Variants in NUMA1 observed in about 807,000 individuals in gnomAD.
NUMA1 encodes SP-H antigen.
A neutral mutation model predicts 237.1 loss-of-function variants in NUMA1; 62 were observed. The observed-to-expected ratio is 0.26, with a 90% CI of 0.21 to 0.32. The LOEUF (loss-of-function observed/expected upper bound fraction) is 0.32. Ranked by LOEUF, NUMA1 falls within the 10% of genes least tolerant of loss-of-function variation. The pLI, the probability that NUMA1 is intolerant of heterozygous loss-of-function variation, is 1.00. For missense variants in NUMA1, 2,533 were observed against 2,666.5 expected (o/e 0.95, Z 1.10); for synonymous variants, 1,028 against 1,066.1 (o/e 0.96, Z 0.70).
rs2135235062 is a variant in NUMA1, at chr11:72,019,691, A to G, written c.461-74T>C. 6 of 1,518,694 alleles carry G rather than the reference A, an allele frequency of 4.0e-6. No homozygotes were observed. In the Admixed American group the frequency reaches 7.2e-5, roughly 18 times the overall value. 94.1% of individuals were successfully genotyped at this position (1,518,694 alleles called of 1,614,324 possible). On this transcript the variant is annotated intron_variant, in intron 8 of 26. Transcript: ENST00000393695. ...GTGTAAAGATTTGCACCTTTATGCA[A>G]TTTGAGAACTCGCCTTAGTGGGAGT...
intron 1 of NUMA1, among the ~76,000 whole-genome samples, chr11:72,072,567 T>C (rs1252978995): frequency 1.3e-5 from 2 of 152,158 alleles, no homozygotes; most frequent in Admixed American, 1.3e-4. Context: ...AGGAGCATGC[T>C]ATGCAATAAT....
chr11:72,055,455 T>C (rs1942584099), intron 2 of NUMA1, among the ~76,000 whole-genome samples: 1 of 152,136 alleles, frequency 6.6e-6, no homozygotes, highest in Non-Finnish European at 1.5e-5. Flanking sequence ...TCACCTGAGA[T>C]AACATGAGCC....
chr11:72,039,449 A>G (rs1941418161), intron 2 of NUMA1, among the ~76,000 whole-genome samples: 1 of 152,292 alleles, frequency 6.6e-6, no homozygotes, highest in Middle Eastern at 3.4e-3. Flanking sequence ...CTACCTCAAG[A>G]TAACACCAAA....
chr11:72,015,297 T>C lies in NUMA1; in HGVS notation c.2206A>G (p.Ile736Val), dbSNP rs778153071. The C allele has an allele frequency of 1.9e-5, 31 of 1,613,530 alleles. No homozygotes were observed. In the Middle Eastern group the frequency reaches 8.2e-4, roughly 43 times the overall value. The change falls in exon 15 of 27, where the codon ATC (isoleucine) becomes GTC (valine). Residue 736 changes from isoleucine to valine, a missense_variant. Around this residue, in one of 3 missense-constraint regions of NUMA1, gnomAD observed 1,414 missense variants for 1,508.1 expected, o/e 0.94. Transcript: ENST00000393695. The surrounding 1 kb of genome is among the most constrained non-coding windows in gnomAD (Gnocchi z 4.0). ...CGGGTCTCTGCCTTCAGCTCAGAGA[T>C]ACAACGCTGCTGCTCTTCCAGGGCA... is the stretch of plus-strand genomic sequence containing the variant. ...ADALEEQQRC[I>V]SELKAETRSL... is the part of the protein sequence containing the mutation.
intron 5 of NUMA1, 126 bp downstream of exon 5, chr11:72,024,148 G>A: frequency 1.4e-6 from 1 of 727,178 alleles, no homozygotes; most frequent in South Asian, 1.7e-5. Context: ...TTTCATCTTT[G>A]TGTTAAAGAG....
At chr11:72,042,944 T>C (rs1448058388) in intron 2 of NUMA1, among the ~76,000 whole-genome samples, 1 of 151,124 alleles carries the variant, frequency 6.6e-6, no homozygotes, top group African/African-American at 2.4e-5. Flanking sequence ...GGAGATCCCA[T>C]CTCTACAAAA....
At chr11:72,042,679 TTTGTTA>T (rs2135895447) in intron 2 of NUMA1, among the ~76,000 whole-genome samples, 1 of 152,232 alleles carries the variant, frequency 6.6e-6, no homozygotes, top group South Asian at 2.1e-4. Flanking sequence ...TGTAAGTTTG[TTTGTTA>T]TTAACACAGA....
intron 20 of NUMA1, chr11:72,008,054 C>A: frequency 2.1e-6 from 1 of 468,454 alleles, no homozygotes; most frequent in Non-Finnish European, 4.3e-6. Context: ...CCCTCTATGC[C>A]CCAGATTCAT....
At chr11:72,022,226 T>G in intron 7 of NUMA1, 113 bp downstream of exon 7, 1 of 612,616 alleles carries the variant, frequency 1.6e-6, no homozygotes, top group East Asian at 2.9e-5. Context: ...TGGCAATAAT[T>G]GCTATAACTG....
In NUMA1 at chr11:72,002,997, G is replaced by A. The variant is rs2134279955; in HGVS notation, c.*530C>T. On this transcript the variant is annotated 3_prime_UTR_variant, in exon 27 of 27. Coordinates refer to ENST00000393695, the MANE Select transcript of NUMA1 (RefSeq NM_006185.4). Reference sequence around the variant, plus strand: ...TGGGGAAGGTAGGGTGTGAGCTGCTGCTGAAGGCTGTCCCCCAACCCCACT... The same window carrying A: ...TGGGGAAGGTAGGGTGTGAGCTGCTACTGAAGGCTGTCCCCCAACCCCACT... 1 of 235,426 alleles carries A rather than the reference G, an allele frequency of 4.2e-6. No homozygotes were observed. The highest frequency in any genetic ancestry group is 2.2e-5 in the African/African-American group (1 of 45,486). The allele number at this position is 235,426 out of a possible 1,614,324, so 14.6% of individuals were successfully genotyped here. A position where few individuals can be genotyped will look rare whatever the true frequency, so the allele number is the denominator to read the frequency against.
At chr11:72,073,244 G>T (rs1391869186) in intron 1 of NUMA1, among the ~76,000 whole-genome samples, 2 of 150,030 alleles carry the variant, frequency 1.3e-5, no homozygotes, top group Non-Finnish European at 3.0e-5. Flanking sequence ...CACTACTTAG[G>T]AGGCTGAGGT....
intron 2 of NUMA1, chr11:72,068,029 A>C (rs776449848): frequency 6.6e-6 from 1 of 152,242 alleles, no homozygotes; most frequent in Non-Finnish European, 1.5e-5. Flanking sequence ...CAAAAAAATC[A>C]ATGTAGTGAT....
At chr11:72,045,219 A>T (rs149742839) in intron 2 of NUMA1, among the ~76,000 whole-genome samples, 9 of 150,564 alleles carry the variant, frequency 6.0e-5, no homozygotes, top group African/African-American at 2.0e-4. Flanking sequence ...TCTGGCCACC[A>T]GAGAATGACT....
In NUMA1 at chr11:72,007,347, A is replaced by T; in HGVS notation, c.5305T>A (p.Ser1769Thr). ...GGAGTGAAGTAGAGACTCTCCAGGG[A>T]TTCTACCTTGGGGGGCAGGCGCTGG... ...ISQRLPPKVE[S>T]LESLYFTPIP... is the part of the protein sequence containing the mutation. The change falls in exon 21 of 27, where the codon TCC becomes ACC. Residue 1769 changes from serine (S) to threonine (T), a missense_variant. Physicochemically the swap from Ser to Thr is moderately conservative, Grantham distance 58 (BLOSUM62 1). Around this residue, in one of 3 missense-constraint regions of NUMA1, gnomAD observed 795 missense variants for 750.8 expected, o/e 1.06. Coordinates refer to ENST00000393695, the MANE Select transcript of NUMA1 (RefSeq NM_006185.4). The T allele has an allele frequency of 6.2e-7, 1 of 1,613,592 alleles. No homozygotes were observed. Among genetic ancestry groups the T allele is most frequent in the Non-Finnish European group, 8.5e-7 (1 of 1,179,828 alleles).
chr11:72,005,389 G>A lies in NUMA1; in HGVS notation c.5693-20C>T. The A allele has an allele frequency of 6.2e-7, 1 of 1,600,538 alleles. No individual in the cohort carries two copies. The highest frequency in any genetic ancestry group is 8.5e-7 in the Non-Finnish European group (1 of 1,174,530). ...TCCTTCCTGTGGAAGGCAGGGAAGT[G>A]GGAACAAATGAGCCTGGAGTCGGCA... On this transcript the variant is annotated intron_variant, in intron 22 of 26. Coordinates refer to ENST00000393695, the MANE Select transcript of NUMA1 (RefSeq NM_006185.4).
At chr11:72,076,093 G>C (rs1215706468) in intron 1 of NUMA1, among the ~76,000 whole-genome samples, 1 of 152,232 alleles carries the variant, frequency 6.6e-6, no homozygotes, top group Admixed American at 6.5e-5. Context: ...TTCAAAACAG[G>C]CTGGGTGAAG....
chr11:72,073,430 T>C (rs995756321), intron 1 of NUMA1, among the ~76,000 whole-genome samples: 1 of 152,118 alleles, frequency 6.6e-6, no homozygotes, highest in African/African-American at 2.4e-5. Flanking sequence ...TTAAGCTGCA[T>C]TAGTAGAAGA....
chr11:72,011,376 G>A (rs1302733611), intron 16 of NUMA1, among the ~76,000 whole-genome samples: 1 of 152,216 alleles, frequency 6.6e-6, no homozygotes, highest in Non-Finnish European at 1.5e-5. Context: ...GTTAGCATTG[G>A]GGAACAGATT....
At chr11:72,003,684 T>G in intron 26 of NUMA1, 146 bp from the exon 27 acceptor site, 1 of 1,122,474 alleles carries the variant, frequency 8.9e-7, no homozygotes, top group Non-Finnish European at 1.3e-6. Context: ...TGGCTGTGCC[T>G]GAGCAGCTCT....
Sources: allele counts gnomAD v4.1 joint callset (sites outside exome capture counted in the v4.1 genomes callset), GRCh38; gene constraint gnomAD v4.1.1; regional missense constraint gnomAD v4.1.1; non-coding constraint Gnocchi (gnomAD v3.1); transcripts MANE v1.5; gene names NCBI Gene and HGNC (gene_info 2026-07-23, HGNC 2026-07-21).